RBFOX1: variants seen among roughly 807,000 people sequenced by gnomAD.
The protein encoded by RBFOX1 is RNA binding protein fox-1 homolog 1.
RBFOX1 carries 8 observed loss-of-function variants against 57.7 expected under a neutral mutation model. The observed-to-expected ratio is 0.14, with a 90% CI of 0.08 to 0.25. The LOEUF (loss-of-function observed/expected upper bound fraction) is 0.25. Among genes scored for constraint, RBFOX1 ranks in the 10% least tolerant of loss-of-function variants. The probability of loss-of-function intolerance (pLI) is 1.00; values close to 1 mark genes in which losing one functional copy is unlikely to be tolerated. For synonymous variants in RBFOX1, 326 were observed against 222.4 expected (o/e 1.47, Z -4.15); for missense variants, 611 against 548.5 (o/e 1.11, Z -1.14).
At chr16:5,617,494 C>A (rs1228221308) in intron 3 of RBFOX1, among the ~76,000 whole-genome samples, 1 of 152,292 alleles carries the variant, frequency 6.6e-6, no homozygotes, top group East Asian at 1.9e-4. Flanking sequence ...AGGCTTGTTC[C>A]CCTCCTTTAA....
chr16:6,152,003 C>G (rs114364691), intron 1 of RBFOX1, among the ~76,000 whole-genome samples: 1 of 152,110 alleles, frequency 6.6e-6, no homozygotes. Context: ...ATAGCCATTC[C>G]TTGGGTTTCT....
At chr16:6,590,916 T>G (rs185429800) in intron 2 of RBFOX1, among the ~76,000 whole-genome samples, 1 of 152,216 alleles carries the variant, frequency 6.6e-6, no homozygotes, top group Non-Finnish European at 1.5e-5. Flanking sequence ...ACATTTAGGT[T>G]AGTATAGTGG....
intron 3 of RBFOX1, among the ~76,000 whole-genome samples, chr16:6,873,194 G>T (rs150844221): frequency 5.3e-5 from 8 of 151,486 alleles, no homozygotes; most frequent in African/African-American, 1.9e-4. Flanking sequence ...AATAAACGAG[G>T]AGTAGAGATT....
chr16:6,869,472 G>GTT (rs5815352), intron 3 of RBFOX1, among the ~76,000 whole-genome samples: 9 of 148,238 alleles, frequency 6.1e-5, no homozygotes, highest in South Asian at 2.2e-4. Context: ...GTCTTTTGAG[G>GTT]TTTTTTTTTT....
At chr16:6,688,129 A>C (rs904535695) in intron 3 of RBFOX1, among the ~76,000 whole-genome samples, 1 of 152,158 alleles carries the variant, frequency 6.6e-6, no homozygotes, top group Non-Finnish European at 1.5e-5. Context: ...AGCAGGCTGT[A>C]CAGGAAGCAC....
At chr16:6,247,761 G>GA (rs1567767917) in intron 1 of RBFOX1, among the ~76,000 whole-genome samples, 1 of 152,236 alleles carries the variant, frequency 6.6e-6, no homozygotes, top group Non-Finnish European at 1.5e-5. Context: ...AGGCAAGGCT[G>GA]AATTACTCTA....
chr16:6,545,993 GGAA>G (rs891708438), intron 2 of RBFOX1, among the ~76,000 whole-genome samples: 41 of 152,250 alleles, frequency 2.7e-4, no homozygotes, highest in African/African-American at 8.4e-4. Flanking sequence ...GGGCCACTTT[GGAA>G]GAAGAAGAAT....
intron 3 of RBFOX1, among the ~76,000 whole-genome samples, chr16:5,817,223 A>G (rs1597368377): frequency 6.6e-6 from 1 of 152,098 alleles, no homozygotes; most frequent in Admixed American, 6.6e-5. Flanking sequence ...CACTTCTAGG[A>G]GCAGCCATGT....
At chr16:6,603,197 T>A (rs2097877448) in intron 2 of RBFOX1, among the ~76,000 whole-genome samples, 1 of 152,288 alleles carries the variant, frequency 6.6e-6, no homozygotes, top group African/African-American at 2.4e-5. Context: ...AGAACAAGAT[T>A]GACCCAGCTT....
intron 12 of RBFOX1, among the ~76,000 whole-genome samples, chr16:7,654,669 G>A (rs1351314368): frequency 6.6e-6 from 1 of 152,140 alleles, no homozygotes; most frequent in African/African-American, 2.4e-5. Context: ...GGTGTGTTTG[G>A]TGGCAGTCTT....
chr16:7,270,226 C>A lies in RBFOX1; in HGVS notation c.27+218128C>A, dbSNP rs570869277. Among the ~76,000 whole-genome samples, 3 of 152,262 alleles carry A rather than the reference C, an allele frequency of 2.0e-5. No individual in the cohort carries two copies. The South Asian group carries it at 6.2e-4, about 32-fold the overall frequency. On this transcript the variant is annotated intron_variant, in intron 4 of 15. Coordinates refer to ENST00000550418, the MANE Select transcript of RBFOX1 (RefSeq NM_018723.4). ...AGGCAGGAGCAGGAACCTGAGAGGA[C>A]CTTCTCAGTTAGGTGTGAAATAGGA... is the stretch of plus-strand genomic sequence containing the variant.
chr16:6,164,986 T>A (rs188456539), intron 1 of RBFOX1, among the ~76,000 whole-genome samples: 82 of 152,282 alleles, frequency 5.4e-4, no homozygotes, highest in African/African-American at 1.8e-3. Context: ...GGCATATTAT[T>A]GTTATTTATA....
intron 2 of RBFOX1, among the ~76,000 whole-genome samples, chr16:6,357,127 TTTTA>T (rs2087481771): frequency 6.6e-6 from 1 of 152,030 alleles, no homozygotes; most frequent in Non-Finnish European, 1.5e-5. Context: ...TGCTTGCGGA[TTTTA>T]TTTTAGTTTG....
chr16:6,853,735 G>C (rs57976251), intron 3 of RBFOX1, among the ~76,000 whole-genome samples: 33,194 of 151,994 alleles, frequency 0.22, 4,470 homozygotes, highest in Admixed American at 0.36. Flanking sequence ...AATGTGATTG[G>C]GATAATGCGC....
intron 1 of RBFOX1, among the ~76,000 whole-genome samples, chr16:6,263,365 A>ATC (rs1392632279): frequency 6.6e-6 from 1 of 152,150 alleles, no homozygotes; most frequent in Non-Finnish European, 1.5e-5. Flanking sequence ...GGAGAATGAT[A>ATC]TCTATGTTTT....
chr16:5,742,804 T>G (rs947102912), intron 3 of RBFOX1, among the ~76,000 whole-genome samples: 7 of 152,170 alleles, frequency 4.6e-5, no homozygotes, highest in African/African-American at 1.7e-4. Flanking sequence ...GAAATGGGAC[T>G]AAAGGTAAGC....
At chr16:7,657,097 A>C (rs975089773) in intron 12 of RBFOX1, among the ~76,000 whole-genome samples, 3 of 152,268 alleles carry the variant, frequency 2.0e-5, no homozygotes, top group African/African-American at 7.2e-5. Flanking sequence ...ATATGAATCT[A>C]TATTGTTACT....
intron 1 of RBFOX1, among the ~76,000 whole-genome samples, chr16:6,287,225 T>C (rs950148812): frequency 1.3e-5 from 2 of 152,096 alleles, no homozygotes; most frequent in Admixed American, 6.6e-5. Flanking sequence ...GTTTTCAAGT[T>C]GAAGTGGGTT....
At chr16:6,982,614 C>G (rs1014647078) in intron 3 of RBFOX1, among the ~76,000 whole-genome samples, 1 of 152,184 alleles carries the variant, frequency 6.6e-6, no homozygotes, top group African/African-American at 2.4e-5. Flanking sequence ...GTACCAGGAG[C>G]TGAGCAAAGC....
Sources: allele counts gnomAD v4.1 joint callset (sites outside exome capture counted in the v4.1 genomes callset), GRCh38; gene constraint gnomAD v4.1.1; transcripts MANE v1.5; gene names NCBI Gene and HGNC (gene_info 2026-07-23, HGNC 2026-07-21).